Variants in PCDHA2 observed in about 807,000 individuals in gnomAD.
The protein encoded by PCDHA2 is protocadherin alpha 2.
A neutral mutation model predicts 66.0 loss-of-function variants in PCDHA2; 58 were observed. That is an observed-to-expected ratio of 0.88 (90% confidence interval 0.71 to 1.09). PCDHA2 has a LOEUF of 1.09. Among genes scored for constraint, PCDHA2 ranks in the 50% least tolerant of loss-of-function variants. PCDHA2 has a pLI of 0.00. For synonymous variants in PCDHA2, 634 were observed against 554.0 expected, an observed-to-expected ratio of 1.14 and a Z score of -2.03; for missense variants, 1,267 against 1,242.3, an observed-to-expected ratio of 1.02 and a Z score of -0.30.
chr5:140,837,528 A>G (rs1205185632), intron 1 of PCDHA2, among the ~76,000 whole-genome samples: 2 of 151,654 alleles, frequency 1.3e-5, no homozygotes, highest in African/African-American at 2.4e-5. Flanking sequence ...TTTTTTGTAT[A>G]TTCCCAAGAT....
chr5:140,821,705 T>C (rs1230584423), intron 1 of PCDHA2: 1 of 1,429,244 alleles, frequency 7.0e-7, no homozygotes, highest in South Asian at 1.4e-5. Flanking sequence ...ATATAGTTAA[T>C]TGGGAATTGA....
intron 1 of PCDHA2, among the ~76,000 whole-genome samples, chr5:140,874,530 G>A (rs1332198120): frequency 1.3e-5 from 2 of 152,200 alleles, no homozygotes; most frequent in Admixed American, 1.3e-4. Flanking sequence ...ATGAGATTAG[G>A]CTCCAAAACC....
At chr5:141,001,985 GAAGTTC>G in intron 3 of PCDHA2, among the ~76,000 whole-genome samples, 1 of 152,312 alleles carries the variant, frequency 6.6e-6, no homozygotes, top group Admixed American at 6.5e-5. Context: ...GGAAAGCCTG[GAAGTTC>G]ACTTGCAAAC....
chr5:141,007,981 T>C (rs1346324109), intron 3 of PCDHA2, among the ~76,000 whole-genome samples: 1 of 152,260 alleles, frequency 6.6e-6, no homozygotes, highest in African/African-American at 2.4e-5. Context: ...GTCATGTATA[T>C]ATGAAATGTA....
intron 1 of PCDHA2, among the ~76,000 whole-genome samples, chr5:140,965,125 C>A (rs571083058): frequency 6.6e-6 from 1 of 152,308 alleles, no homozygotes; most frequent in Non-Finnish European, 1.5e-5. Context: ...GGAAGATCTA[C>A]AGATGACAGA....
intron 1 of PCDHA2, among the ~76,000 whole-genome samples, chr5:140,878,400 A>G (rs1190004888): frequency 6.6e-6 from 1 of 152,218 alleles, no homozygotes; most frequent in Non-Finnish European, 1.5e-5. Flanking sequence ...TGCTCACAAA[A>G]TATCTTCTTT....
chr5:140,941,228 T>TTTCTTTCTTTCTTTCTTTC (rs2092920819), intron 1 of PCDHA2, among the ~76,000 whole-genome samples: 1 of 139,066 alleles, frequency 7.2e-6, no homozygotes, highest in Admixed American at 7.4e-5. Flanking sequence ...TCTTTCTTTC[T>TTTCTTTCTTTCTTTCTTTC]TTCTTTCTTT....
chr5:140,801,497 G>A (rs1202740642), intron 1 of PCDHA2: 1 of 1,614,054 alleles, frequency 6.2e-7, no homozygotes, highest in Non-Finnish European at 8.5e-7. Context: ...GGCGGAGCGC[G>A]GAGTGCAGCA....
intron 1 of PCDHA2, chr5:140,877,777 C>T: frequency 6.2e-7 from 1 of 1,614,172 alleles, no homozygotes; most frequent in South Asian, 1.1e-5. Context: ...CAAGACGGAC[C>T]TCATGGCCTT....
intron 1 of PCDHA2, chr5:140,829,613 A>G (rs2150171256): frequency 4.3e-6 from 7 of 1,611,960 alleles, no homozygotes; most frequent in Middle Eastern, 2.1e-4. Context: ...GTCGAGCTAC[A>G]TTTCGGTGCA....
intron 1 of PCDHA2, among the ~76,000 whole-genome samples, chr5:140,916,719 A>G (rs921368119): frequency 2.0e-5 from 3 of 152,128 alleles, no homozygotes; most frequent in Non-Finnish European, 2.9e-5. Context: ...GGAAGGAGTG[A>G]CTTTTGTTGC....
chr5:140,807,445 G>C (rs1554124015), intron 1 of PCDHA2: 1 of 1,605,368 alleles, frequency 6.2e-7, no homozygotes, highest in Admixed American at 1.7e-5. Context: ...TTTTGTTTGT[G>C]AATTCTCGGA....
chr5:140,821,586 T>C (rs1581772616), intron 1 of PCDHA2: 1 of 645,184 alleles, frequency 1.5e-6, no homozygotes. Context: ...TTTTCTCCCT[T>C]CCCAGCCTCA....
intron 1 of PCDHA2, among the ~76,000 whole-genome samples, chr5:140,891,246 AT>A (rs1213637493): frequency 2.0e-5 from 3 of 151,650 alleles, no homozygotes; most frequent in Non-Finnish European, 4.4e-5. Flanking sequence ...ATTCAGTAGG[AT>A]TTTTTTTAAT....
chr5:140,909,856 C>T (rs575107041), intron 1 of PCDHA2, among the ~76,000 whole-genome samples: 2 of 152,286 alleles, frequency 1.3e-5, no homozygotes, highest in South Asian at 2.1e-4. Context: ...TTTTCGGTCC[C>T]CTGGAGTCAA....
At chr5:140,934,926 G>C (rs1054459840) in intron 1 of PCDHA2, among the ~76,000 whole-genome samples, 1 of 152,116 alleles carries the variant, frequency 6.6e-6, no homozygotes, top group African/African-American at 2.4e-5. Flanking sequence ...TTCACATAAA[G>C]TTACAAAACT....
intron 1 of PCDHA2, among the ~76,000 whole-genome samples, chr5:140,950,786 T>A (rs890329662): frequency 6.6e-6 from 1 of 152,140 alleles, no homozygotes; most frequent in Non-Finnish European, 1.5e-5. Context: ...TGGTACTTTT[T>A]AAATATTGTC....
chr5:140,925,320 C>T (rs1201662507), intron 1 of PCDHA2, among the ~76,000 whole-genome samples: 1 of 152,016 alleles, frequency 6.6e-6, no homozygotes, highest in Non-Finnish European at 1.5e-5. Context: ...ACATATTGCA[C>T]CTGTATTAAA....
At chr5:140,984,633 T>G (rs2097112196) in intron 3 of PCDHA2, among the ~76,000 whole-genome samples, 1 of 152,206 alleles carries the variant, frequency 6.6e-6, no homozygotes, top group African/African-American at 2.4e-5. Flanking sequence ...AAAGGGATTC[T>G]CTGCCTTCTC....
Sources: allele counts gnomAD v4.1 joint callset (sites outside exome capture counted in the v4.1 genomes callset), GRCh38; gene constraint gnomAD v4.1.1; transcripts MANE v1.5; gene names NCBI Gene and HGNC (gene_info 2026-07-23, HGNC 2026-07-21).